SDK1: variants seen among roughly 807,000 people sequenced by gnomAD.
SDK1 encodes protein sidekick-1.
Under a neutral mutation model 245.5 loss-of-function variants are expected in SDK1, and 157 were observed. The observed-to-expected ratio is 0.64, with a 90% CI of 0.56 to 0.73. SDK1 has a LOEUF of 0.73. SDK1 is among the 30% of genes least tolerant of loss of function. SDK1 has a pLI of 0.00. For missense variants in SDK1, 3,583 were observed against 3,002.3 expected, an observed-to-expected ratio of 1.19 and a Z score of -4.52; for synonymous variants, 1,647 against 1,278.5, an observed-to-expected ratio of 1.29 and a Z score of -6.15.
intron 22 of SDK1, among the ~76,000 whole-genome samples, chr7:4,108,714 A>C (rs2128189910): frequency 6.6e-6 from 1 of 152,312 alleles, no homozygotes; most frequent in African/African-American, 2.4e-5. Flanking sequence ...ATTTTAAAGA[A>C]TACCATTCAC....
chr7:3,346,966 C>T (rs927283682), intron 1 of SDK1, among the ~76,000 whole-genome samples: 10 of 150,022 alleles, frequency 6.7e-5, no homozygotes, highest in African/African-American at 2.5e-4. Context: ...CTACTGCACC[C>T]AGCCCTGAGA....
intron 4 of SDK1, among the ~76,000 whole-genome samples, chr7:3,771,183 T>C (rs147245528): frequency 6.6e-5 from 10 of 152,100 alleles, no homozygotes; most frequent in Non-Finnish European, 1.2e-4. Flanking sequence ...CTCTCTGTGG[T>C]CTCTGATTCT....
intron 38 of SDK1, among the ~76,000 whole-genome samples, chr7:4,215,994 C>T (rs1465261852): frequency 6.6e-6 from 1 of 152,150 alleles, no homozygotes; most frequent in South Asian, 2.1e-4. Flanking sequence ...CTCCCATCCC[C>T]GTTCCTGCAT....
chr7:3,519,265 A>T (rs536618641), intron 1 of SDK1, among the ~76,000 whole-genome samples: 2 of 152,230 alleles, frequency 1.3e-5, no homozygotes, highest in African/African-American at 4.8e-5. Flanking sequence ...TTATGGTTTA[A>T]ATATGTAGGA....
chr7:3,416,982 G>A (rs1418011898), intron 1 of SDK1, among the ~76,000 whole-genome samples: 1 of 152,106 alleles, frequency 6.6e-6, no homozygotes, highest in Non-Finnish European at 1.5e-5. Flanking sequence ...AGACCAGTCT[G>A]GCCAACATGG....
intron 19 of SDK1, among the ~76,000 whole-genome samples, chr7:4,057,741 A>T (rs998353959): frequency 1.3e-5 from 2 of 152,178 alleles, no homozygotes; most frequent in African/African-American, 4.8e-5. Context: ...ACTTTACCAC[A>T]GCCTCTACTA....
chr7:4,219,695 G>C (rs1261475055), intron 38 of SDK1, among the ~76,000 whole-genome samples: 1 of 152,058 alleles, frequency 6.6e-6, no homozygotes, highest in East Asian at 1.9e-4. Flanking sequence ...CAGGAAGCTT[G>C]CAGTCACCTT....
At chr7:4,161,665 C>G in intron 31 of SDK1, 121 bp from the exon 32 acceptor site, 5 of 759,722 alleles carry the variant, frequency 6.6e-6, no homozygotes, top group South Asian at 1.5e-5. Context: ...GAAGGGGACC[C>G]CTGGAGAAGG....
chr7:3,815,987 G>A (rs1286770333), intron 4 of SDK1, among the ~76,000 whole-genome samples: 1 of 143,300 alleles, frequency 7.0e-6, no homozygotes, highest in Non-Finnish European at 1.5e-5. Flanking sequence ...ACCTGCTCCT[G>A]AATGACTACT....
intron 1 of SDK1, among the ~76,000 whole-genome samples, chr7:3,547,782 T>G (rs887058443): frequency 9.9e-5 from 15 of 152,208 alleles, no homozygotes; most frequent in African/African-American, 3.6e-4. Context: ...GGTTGAGATG[T>G]GTGCACACTT....
intron 39 of SDK1, among the ~76,000 whole-genome samples, chr7:4,220,587 T>G (rs1022989195): frequency 6.7e-6 from 1 of 149,178 alleles, no homozygotes; most frequent in East Asian, 2.0e-4. Context: ...TCAGAAAATT[T>G]TAAAGTTTTC....
rs963128622 is a variant in SDK1, at chr7:3,498,724, G to A, written c.299-120356G>A. ...GAATGTCTCAGAATGTTGCCTGTAG[G>A]CCTCATCTTTTTTTTTTTTTTCCCC... On this transcript the variant is annotated intron_variant, in intron 1 of 44. Coordinates refer to ENST00000404826, the MANE Select transcript of SDK1 (RefSeq NM_152744.4). Among the ~76,000 whole-genome samples, 3 of 147,100 alleles carry A rather than the reference G, an allele frequency of 2.0e-5. No individual in the cohort carries two copies. The Admixed American group carries it at 2.1e-4, about 10-fold the overall frequency.
In SDK1 at chr7:4,265,969, C is replaced by T; in HGVS notation, c.*585C>T. 1 of 985,654 alleles carries T rather than the reference C, an allele frequency of 1.0e-6. No individual in the cohort carries two copies. Among genetic ancestry groups the T allele is most frequent in the Non-Finnish European group, 1.2e-6 (1 of 830,056 alleles). 61.1% of individuals were successfully genotyped at this position (985,654 alleles called of 1,614,324 possible). A position where few individuals can be genotyped will look rare whatever the true frequency, so the allele number is the denominator to read the frequency against. ...TGGCAGTGTCTAGTCAAGGAGTCGGCTTTCAGGTTCCTGACGGCCAGGCAG... is the reference window on the plus strand; with the variant it reads ...TGGCAGTGTCTAGTCAAGGAGTCGGTTTTCAGGTTCCTGACGGCCAGGCAG... On this transcript the variant is annotated 3_prime_UTR_variant, in exon 45 of 45. Coordinates refer to ENST00000404826, the MANE Select transcript of SDK1 (RefSeq NM_152744.4).
chr7:3,604,334 C>CT (rs1404065413), intron 1 of SDK1, among the ~76,000 whole-genome samples: 1 of 152,046 alleles, frequency 6.6e-6, no homozygotes, highest in African/African-American at 2.4e-5. Context: ...TTCTCTGTCC[C>CT]TTTTTACTGA....
Position 3,694,664 on chromosome 7 carries a change from G to T in SDK1, c.713+52559G>T, listed in dbSNP as rs140211779. On this transcript the variant is annotated intron_variant, in intron 4 of 44. Coordinates refer to ENST00000404826, the MANE Select transcript of SDK1 (RefSeq NM_152744.4). ...CCCTGGAAAACAATGCCACTGTCTT[G>T]GTGTGTCTGATGTTCTGGGGAACAT... is the stretch of plus-strand genomic sequence containing the variant. Among the ~76,000 whole-genome samples, 923 of 152,228 alleles carry T rather than the reference G, an allele frequency of 6.1e-3. 6 individuals carry two copies. The highest frequency in any genetic ancestry group is 0.021 in the African/African-American group (889 of 41,520).
At chr7:4,027,907 A>C (rs1407291988) in intron 17 of SDK1, among the ~76,000 whole-genome samples, 1 of 151,944 alleles carries the variant, frequency 6.6e-6, no homozygotes, top group Non-Finnish European at 1.5e-5. Flanking sequence ...GGGGCTTTCT[A>C]TCAACCAATT....
chr7:3,604,033 C>A (rs2128639658), intron 1 of SDK1, among the ~76,000 whole-genome samples: 1 of 152,224 alleles, frequency 6.6e-6, no homozygotes, highest in South Asian at 2.1e-4. Flanking sequence ...GGATGAAGCC[C>A]ACTTGATCAT....
chr7:4,189,900 G>A (rs897722827), intron 35 of SDK1, among the ~76,000 whole-genome samples: 9 of 152,150 alleles, frequency 5.9e-5, no homozygotes, highest in East Asian at 5.8e-4. Flanking sequence ...TCTGTTTGCT[G>A]TTTTTAAGAA....
At position 3,962,691 on chromosome 7, in the gene SDK1, T is replaced by C; in HGVS notation, c.1269T>C (p.Asp423=). ...VPLPTLQWYK[D]AISISRLQNP... is the part of the protein sequence containing the mutation. ...TTCCCACCCTCCAGTGGTACAAGGA[T>C]GCCATCTCCATCAGCAGGCTCCAGA... is the stretch of plus-strand genomic sequence containing the variant. Residue 423 remains aspartate (D), a synonymous_variant, in exon 9 of 45, where the codon GAT becomes GAC. Coordinates refer to ENST00000404826, the MANE Select transcript of SDK1 (RefSeq NM_152744.4). 1 of 1,613,678 alleles carries C rather than the reference T, an allele frequency of 6.2e-7. No individual in the cohort carries two copies. The highest frequency in any genetic ancestry group is 1.1e-5 in the South Asian group (1 of 91,062).
Sources: gnomAD v4.1 joint callset for allele counts (sites outside exome capture counted in the v4.1 genomes callset) on GRCh38, gnomAD v4.1.1 for gene constraint, MANE v1.5 for transcripts, NCBI Gene and HGNC (gene_info 2026-07-23, HGNC 2026-07-21) for gene names.